SPATA6: variants seen among roughly 807,000 people sequenced by gnomAD.
SPATA6 encodes spermatogenesis associated 6.
In SPATA6, 56 loss-of-function variants were observed where a neutral mutation model predicts 65.3. That is an observed-to-expected ratio of 0.86 (90% CI 0.69 to 1.07). The LOEUF (loss-of-function observed/expected upper bound fraction) is 1.07, where lower values mean the gene tolerates loss of function less well. Ranked by LOEUF, SPATA6 falls within the 50% of genes least tolerant of loss-of-function variation. The probability of loss-of-function intolerance (pLI) is 0.00; values close to 1 mark genes in which losing one functional copy is unlikely to be tolerated. For missense variants in SPATA6, 590 were observed against 594.8 expected (o/e 0.99, Z 0.08); for synonymous variants, 199 against 213.2 (o/e 0.93, Z 0.58).
chr1:48,263,737 T>C, the SPATA6 span, among the ~76,000 whole-genome samples: 1 of 152,356 alleles, frequency 6.6e-6, no homozygotes, highest in Non-Finnish European at 1.5e-5. Context: ...TCCTTTGTGA[T>C]ATCTCTTACT....
At chr1:48,421,002 A>C (rs1653273565) in intron 3 of SPATA6, among the ~76,000 whole-genome samples, 1 of 152,196 alleles carries the variant, frequency 6.6e-6, no homozygotes, top group Non-Finnish European at 1.5e-5. Flanking sequence ...GATATAACAG[A>C]AGTAGAGAGC....
intron 9 of SPATA6, among the ~76,000 whole-genome samples, chr1:48,361,980 C>G (rs1646827180): frequency 6.6e-6 from 1 of 152,018 alleles, no homozygotes; most frequent in Non-Finnish European, 1.5e-5. Flanking sequence ...AATATGTGAT[C>G]AAGACTGAAG....
At chr1:48,367,817 G>T (rs1472377254) in intron 9 of SPATA6, among the ~76,000 whole-genome samples, 7 of 152,106 alleles carry the variant, frequency 4.6e-5, no homozygotes, top group African/African-American at 1.4e-4. Flanking sequence ...ATATTGTTAT[G>T]TGTGAATTTG....
intron 3 of SPATA6, among the ~76,000 whole-genome samples, chr1:48,437,847 T>G (rs1655082553): frequency 6.6e-6 from 1 of 151,124 alleles, no homozygotes; most frequent in Admixed American, 6.6e-5. Context: ...AAATTATAGA[T>G]CTTAAATTCA....
chr1:48,407,538 G>T (rs1651818028), intron 5 of SPATA6, among the ~76,000 whole-genome samples: 1 of 152,172 alleles, frequency 6.6e-6, no homozygotes, highest in South Asian at 2.1e-4. Context: ...CAAAGCTGTT[G>T]ATTTTTGCAC....
intron 11 of SPATA6, among the ~76,000 whole-genome samples, chr1:48,326,369 A>G (rs1238359954): frequency 6.6e-6 from 1 of 152,172 alleles, no homozygotes; most frequent in Non-Finnish European, 1.5e-5. Context: ...AAACAAATGG[A>G]AAAACATCCC....
At chr1:48,315,878 G>C (rs1399352535) in intron 11 of SPATA6, among the ~76,000 whole-genome samples, 1 of 151,938 alleles carries the variant, frequency 6.6e-6, no homozygotes, top group Non-Finnish European at 1.5e-5. Context: ...AAATCACAAG[G>C]ATTCTTATAT....
At chr1:48,303,317 A>T (rs954099802) in intron 12 of SPATA6, among the ~76,000 whole-genome samples, 14 of 152,130 alleles carry the variant, frequency 9.2e-5, no homozygotes, top group Admixed American at 3.3e-4. Flanking sequence ...AATATACAAC[A>T]AATTTTTGTT....
chr1:48,268,323 TGTGTG>T, the SPATA6 span, among the ~76,000 whole-genome samples: 1 of 151,620 alleles, frequency 6.6e-6, no homozygotes, highest in South Asian at 2.1e-4. Flanking sequence ...TGTGTGTGTG[TGTGTG>T]TGTGTTTGTG....
chr1:48,322,841 T>A (rs1190685335), intron 11 of SPATA6, among the ~76,000 whole-genome samples: 1 of 152,166 alleles, frequency 6.6e-6, no homozygotes, highest in Non-Finnish European at 1.5e-5. Context: ...CATTGGTCAT[T>A]AGAGAAATGC....
At chr1:48,456,724 G>C (rs941866537) in intron 1 of SPATA6, among the ~76,000 whole-genome samples, 2 of 152,080 alleles carry the variant, frequency 1.3e-5, no homozygotes, top group African/African-American at 4.8e-5. Flanking sequence ...AGTTAAAAAA[G>C]TGCCAAAATT....
chr1:48,438,322 C>T (rs994473857), intron 3 of SPATA6, among the ~76,000 whole-genome samples: 1 of 152,170 alleles, frequency 6.6e-6, no homozygotes, highest in African/African-American at 2.4e-5. Context: ...CTTTTGCTTA[C>T]TATTCTGTCC....
At chr1:48,281,919 C>A in the SPATA6 span, among the ~76,000 whole-genome samples, 1 of 152,198 alleles carries the variant, frequency 6.6e-6, no homozygotes, top group South Asian at 2.1e-4. Flanking sequence ...CATCACACTA[C>A]CTGACTTCAA....
chr1:48,305,654 T>C, intron 12 of SPATA6, 133 bp downstream of exon 12: 1 of 618,454 alleles, frequency 1.6e-6, no homozygotes, highest in South Asian at 3.3e-5. Flanking sequence ...CATTAAAATT[T>C]TAATAGGAAT....
At chr1:48,355,461 T>G (rs1336018223) in intron 11 of SPATA6, 1 of 425,670 alleles carries the variant, frequency 2.3e-6, no homozygotes, top group South Asian at 5.2e-5. Flanking sequence ...ATAGTTAAGA[T>G]GGTCTATTTC....
chr1:48,396,382 A>T (rs1650587324), intron 7 of SPATA6, among the ~76,000 whole-genome samples: 1 of 151,744 alleles, frequency 6.6e-6, no homozygotes. Context: ...TCATCTAGGT[A>T]TATACCCAAA....
intron 5 of SPATA6, among the ~76,000 whole-genome samples, chr1:48,404,556 T>C (rs1375502034): frequency 6.6e-6 from 1 of 152,068 alleles, no homozygotes; most frequent in Non-Finnish European, 1.5e-5. Flanking sequence ...TCATGCAGGC[T>C]GGTGTCAAAC....
chr1:48,461,395 A>G (rs1325649554), intron 1 of SPATA6, among the ~76,000 whole-genome samples: 2 of 152,194 alleles, frequency 1.3e-5, no homozygotes, highest in African/African-American at 4.8e-5. Flanking sequence ...TTGGTGTTTT[A>G]GACATAAAGT....
chr1:48,341,601 T>G (rs75577370), intron 11 of SPATA6, among the ~76,000 whole-genome samples: 3,748 of 152,210 alleles, frequency 0.025, 99 homozygotes, highest in African/African-American at 0.067. Context: ...CCAAAGCAAA[T>G]CAGTAAAGTG....
Sources: gnomAD v4.1 joint callset for allele counts (sites outside exome capture counted in the v4.1 genomes callset) on GRCh38, gnomAD v4.1.1 for gene constraint, MANE v1.5 for transcripts, NCBI Gene and HGNC (gene_info 2026-07-23, HGNC 2026-07-21) for gene names.